TBXAS1: variants seen among roughly 807,000 people sequenced by gnomAD.
The protein encoded by TBXAS1 is thromboxane-A synthase.
A neutral mutation model predicts 60.7 loss-of-function variants in TBXAS1; 48 were observed. That is an observed-to-expected ratio of 0.79 (90% CI 0.63 to 1.01). The LOEUF (loss-of-function observed/expected upper bound fraction) is 1.01. Among genes scored for constraint, TBXAS1 ranks in the 50% least tolerant of loss-of-function variants. The pLI, the probability that TBXAS1 is intolerant of heterozygous loss-of-function variation, is 0.00. For synonymous variants in TBXAS1, 287 were observed against 269.7 expected, an observed-to-expected ratio of 1.06 and a Z score of -0.63; for missense variants, 685 against 686.3, an observed-to-expected ratio of 1.00 and a Z score of 0.02.
chr7:139,782,615 GGC>G (rs1797039696), intron 2 of TBXAS1: 1 of 152,198 alleles, frequency 6.6e-6, no homozygotes, highest in Non-Finnish European at 1.5e-5. Flanking sequence ...ATGTCTGTGT[GGC>G]TTGTATCTTA....
chr7:139,998,547 T>C (rs568516977), intron 9 of TBXAS1, among the ~76,000 whole-genome samples: 1 of 151,934 alleles, frequency 6.6e-6, no homozygotes, highest in Non-Finnish European at 1.5e-5. Flanking sequence ...AAATATCTGG[T>C]TTTTTTTCAT....
At chr7:139,902,107 A>AT (rs1430750981) in intron 3 of TBXAS1, among the ~76,000 whole-genome samples, 2 of 151,086 alleles carry the variant, frequency 1.3e-5, no homozygotes, top group South Asian at 2.1e-4. Context: ...TGCTTATCAT[A>AT]TTTTTTCCAG....
intron 3 of TBXAS1, among the ~76,000 whole-genome samples, chr7:139,786,698 T>C (rs1443430050): frequency 6.6e-6 from 1 of 152,236 alleles, no homozygotes; most frequent in Non-Finnish European, 1.5e-5. Flanking sequence ...CCCAAGAAAG[T>C]AAATTATGAT....
chr7:139,880,385 A>G (rs117018022), intron 3 of TBXAS1, among the ~76,000 whole-genome samples: 2,322 of 152,246 alleles, frequency 0.015, 34 homozygotes, highest in African/African-American at 0.033. Flanking sequence ...TCATGATGCC[A>G]GCCTTGTTGC....
At chr7:139,819,271 G>A (rs887581094) in intron 4 of TBXAS1, among the ~76,000 whole-genome samples, 2 of 152,204 alleles carry the variant, frequency 1.3e-5, no homozygotes, top group African/African-American at 4.8e-5. Context: ...CTTGCCAGCT[G>A]GTTGTGGATG....
In TBXAS1 at chr7:139,913,002, C is replaced by T. The variant is rs1442528361; in HGVS notation, c.333+1681C>T. 9.1e-6 allele frequency: 6 copies of T among 659,816 alleles called. No homozygotes were observed. The Admixed American group carries it at 1.3e-4, about 14-fold the overall frequency. The allele number at this position is 659,816 out of a possible 1,614,324, so 40.9% of individuals were successfully genotyped here. The stretch of plus-strand genomic sequence containing the variant: ...TGTGACAGCTGCCTCAGTGACATTT[C>T]AGGATGTCAAGGTTGAGTGGAGTAA... On this transcript the variant is annotated intron_variant, in intron 4 of 12. Transcript: ENST00000448866.
chr7:139,996,550 C>A (rs1585029950), intron 9 of TBXAS1, among the ~76,000 whole-genome samples: 1 of 152,238 alleles, frequency 6.6e-6, no homozygotes, highest in Non-Finnish European at 1.5e-5. Flanking sequence ...TCTCCTTCCC[C>A]TGGAAGATGC....
upstream of TBXAS1, among the ~76,000 whole-genome samples, chr7:139,824,834 T>C (rs1365115057): frequency 1.0e-4 from 11 of 109,536 alleles, no homozygotes; most frequent in Admixed American, 1.8e-4. Flanking sequence ...CTTTTCTTTT[T>C]TTTTTTTTTT....
intron 9 of TBXAS1, among the ~76,000 whole-genome samples, chr7:139,988,416 A>G: frequency 6.6e-6 from 1 of 152,100 alleles, no homozygotes; most frequent in East Asian, 1.9e-4. Flanking sequence ...ACCTGGCCCC[A>G]TGGACATTTG....
At chr7:139,905,088 CCTCT>C (rs755696056) in intron 3 of TBXAS1, among the ~76,000 whole-genome samples, 28 of 105,400 alleles carry the variant, frequency 2.7e-4, no homozygotes, top group Middle Eastern at 5.2e-3. Context: ...TCTCTTTCTC[CCTCT>C]CTCTCTCTCT....
rs56291914 is a variant in TBXAS1 at position 139,833,509 on chromosome 7, C to CAA, written c.89+4055_89+4056dup. 9.3e-3 allele frequency among the ~76,000 whole-genome samples: 692 copies of CAA among 74,318 alleles called. 12 individuals are homozygous for CAA. Among genetic ancestry groups the CAA allele is most frequent in the African/African-American group, 0.026 (651 of 24,772 alleles). The allele number at this position is 74,318 out of a possible 152,430, so 48.8% of individuals were successfully genotyped here. On this transcript the variant is annotated intron_variant, in intron 1 of 12. Transcript: ENST00000448866. The stretch of plus-strand genomic sequence containing the variant: ...TGAAACCCCGTCTCTACTAAAAATA[C>CAA]AAAAAAAAAAAAAAAAAAAAAAAAA...
At chr7:139,905,035 C>CTTTT (rs1182147735) in intron 3 of TBXAS1, among the ~76,000 whole-genome samples, 1 of 86,636 alleles carries the variant, frequency 1.2e-5, no homozygotes, top group Admixed American at 1.3e-4. Context: ...TTCTTTCTTT[C>CTTTT]TTTCTTTCTT....
intron 9 of TBXAS1, among the ~76,000 whole-genome samples, chr7:139,969,580 A>G (rs1283525606): frequency 2.0e-5 from 3 of 151,892 alleles, no homozygotes; most frequent in African/African-American, 7.3e-5. Context: ...ACACAAATCT[A>G]TCCTCACTAT....
chr7:139,930,240 C>T (rs979105015), intron 4 of TBXAS1, among the ~76,000 whole-genome samples: 8 of 152,198 alleles, frequency 5.3e-5, no homozygotes, highest in African/African-American at 1.9e-4. Context: ...CCCACTGTAC[C>T]GTCCAGTGTA....
chr7:139,859,885 T>A (rs1443384736), intron 1 of TBXAS1, among the ~76,000 whole-genome samples: 1 of 152,172 alleles, frequency 6.6e-6, no homozygotes. Flanking sequence ...ACACCTGTAA[T>A]CCCAGCACTT....
At chr7:139,917,594 C>T (rs752174202) in intron 4 of TBXAS1, among the ~76,000 whole-genome samples, 15 of 152,236 alleles carry the variant, frequency 9.9e-5, no homozygotes, top group Non-Finnish European at 1.9e-4. Context: ...ATCAGTACAA[C>T]ACACTGAGCT....
intron 4 of TBXAS1, among the ~76,000 whole-genome samples, chr7:139,822,575 A>G (rs1798327974): frequency 6.6e-6 from 1 of 152,178 alleles, no homozygotes; most frequent in Non-Finnish European, 1.5e-5. Flanking sequence ...AGCGTGCAGA[A>G]CACTGAAGCC....
In TBXAS1 at chr7:139,871,292, A is replaced by G. The variant is rs73734131; in HGVS notation, c.90-943A>G. Among the ~76,000 whole-genome samples, 875 of 152,322 alleles carry G rather than the reference A, an allele frequency of 5.7e-3. 11 individuals carry two copies. The highest frequency in any genetic ancestry group is 0.02 in the African/African-American group (823 of 41,576). On this transcript the variant is annotated intron_variant, in intron 1 of 12. Coordinates refer to ENST00000448866, the MANE Select transcript of TBXAS1 (RefSeq NM_001061.7). ...ACACACAGAAAGCTAGATTGTACTG[A>G]TAGTCTCCATGTTTTTCCTTGCCCT...
In TBXAS1 at chr7:139,999,631, C is replaced by T. The variant is rs759692413; in HGVS notation, c.1135-7460C>T. Among the ~76,000 whole-genome samples, 10 of 152,218 alleles carry T rather than the reference C, an allele frequency of 6.6e-5. No individual in the cohort carries two copies. The highest frequency in any genetic ancestry group is 2.4e-4 in the African/African-American group (10 of 41,454). On this transcript the variant is annotated intron_variant, in intron 9 of 12. Coordinates refer to ENST00000448866, the MANE Select transcript of TBXAS1 (RefSeq NM_001061.7). The surrounding 1 kb of genome is among the most constrained non-coding windows in gnomAD (Gnocchi z 4.3). ...GGCTTGGTTTCATATTATAGTCCCA[C>T]GGTCCCTGGAGAATCAGAGTGAATG...
Sources: gnomAD v4.1 joint callset for allele counts (sites outside exome capture counted in the v4.1 genomes callset) on GRCh38, gnomAD v4.1.1 for gene constraint, Gnocchi (gnomAD v3.1) non-coding constraint, MANE v1.5 for transcripts, NCBI Gene and HGNC (gene_info 2026-07-23, HGNC 2026-07-21) for gene names.